MARCHF10: variants seen among roughly 807,000 people sequenced by gnomAD.
The protein encoded by MARCHF10 is membrane associated ring-CH-type finger 10, also known as probable E3 ubiquitin-protein ligase MARCHF10.
A neutral mutation model predicts 76.2 loss-of-function variants in MARCHF10; 64 were observed. The observed-to-expected ratio is 0.84, with a 90% CI of 0.69 to 1.03. MARCHF10 has a LOEUF of 1.03. Ranked by LOEUF, MARCHF10 falls within the 50% of genes least tolerant of loss-of-function variation. MARCHF10 has a pLI of 0.00. For missense variants in MARCHF10, 875 were observed against 958.0 expected, an observed-to-expected ratio of 0.91 and a Z score of 1.14; for synonymous variants, 340 against 357.5, an observed-to-expected ratio of 0.95 and a Z score of 0.55.
chr17:62,787,396 T>G (rs1289206027), intron 3 of MARCHF10, among the ~76,000 whole-genome samples: 1 of 152,090 alleles, frequency 6.6e-6, no homozygotes, highest in Non-Finnish European at 1.5e-5. Flanking sequence ...TCAGGATCCA[T>G]GCCATTGATA....
At chr17:62,756,077 T>C (rs2092031759) in intron 4 of MARCHF10, among the ~76,000 whole-genome samples, 1 of 152,120 alleles carries the variant, frequency 6.6e-6, no homozygotes, top group African/African-American at 2.4e-5. Context: ...GGAGAAACCC[T>C]GTCTCTACTA....
At chr17:62,803,633 C>T (rs1307011559) in intron 1 of MARCHF10, among the ~76,000 whole-genome samples, 1 of 152,174 alleles carries the variant, frequency 6.6e-6, no homozygotes, top group Non-Finnish European at 1.5e-5. Flanking sequence ...TATTCTCCTG[C>T]TTCAGCCTCC....
intron 10 of MARCHF10, chr17:62,704,946 G>GTGTTTTTTTTT: frequency 3.6e-6 from 3 of 837,088 alleles, no homozygotes; most frequent in Non-Finnish European, 4.3e-6. Flanking sequence ...TTCTCCAGTC[G>GTGTTTTTTTTT]TTTTTTTTTT....
Position 62,722,613 on chromosome 17 carries a change from G to T in MARCHF10, c.2105-16C>A, listed in dbSNP as rs2090546594. The T allele has an allele frequency of 1.9e-6, 3 of 1,600,740 alleles. No homozygotes were observed. The highest frequency in any genetic ancestry group is 2.6e-6 in the Non-Finnish European group (3 of 1,170,454). On this transcript the variant is annotated splice_polypyrimidine_tract_variant and intron_variant, in intron 7 of 10. Coordinates refer to ENST00000311269, the MANE Select transcript of MARCHF10 (RefSeq NM_152598.4). ...AGATCTGCTCCTTAAATTGGATAAA[G>T]AATTATATGTACATATAACCATGGG...
chr17:62,788,431 C>T lies in MARCHF10; in HGVS notation c.210+49G>A, dbSNP rs373544098. 6.3e-6 allele frequency: 10 copies of T among 1,597,214 alleles called. No homozygotes were observed. In the African/African-American group the frequency reaches 1.3e-4, roughly 21 times the overall value. On this transcript the variant is annotated intron_variant, in intron 3 of 10. Transcript: ENST00000311269. ...CACACACACACACACACCACCACCA[C>T]CAGCAGCAGCAGCAGCCCCAGGAGA...
chr17:62,733,875 T>C (rs2091143294), intron 6 of MARCHF10, among the ~76,000 whole-genome samples: 1 of 152,158 alleles, frequency 6.6e-6, no homozygotes, highest in Non-Finnish European at 1.5e-5. Context: ...AGTTCATAAA[T>C]ATACACAACA....
At chr17:62,798,796 A>G (rs1466674014) in intron 2 of MARCHF10, among the ~76,000 whole-genome samples, 2 of 152,204 alleles carry the variant, frequency 1.3e-5, no homozygotes, top group African/African-American at 4.8e-5. Flanking sequence ...ACGTTCGTGG[A>G]CTGAGCCAAC....
At chr17:62,794,814 T>C (rs1238797977) in intron 2 of MARCHF10, among the ~76,000 whole-genome samples, 1 of 152,204 alleles carries the variant, frequency 6.6e-6, no homozygotes, top group Non-Finnish European at 1.5e-5. Context: ...TGCCACTTCC[T>C]TCAGTTGGTT....
Position 62,736,559 on chromosome 17 carries a change from C to G in MARCHF10, c.1309G>C (p.Glu437Gln), listed in dbSNP as rs1048387120. 1.2e-6 allele frequency: 2 copies of G among 1,614,118 alleles called. No individual in the cohort carries two copies. Among genetic ancestry groups the G allele is most frequent in the Non-Finnish European group, 1.7e-6 (2 of 1,180,048 alleles). Residue 437 changes from glutamate to glutamine, a missense_variant, in exon 6 of 11, where the codon GAA becomes CAA. Transcript: ENST00000311269. Reference sequence around the variant, plus strand: ...TTTAAATAGTCTTTCCAGTATCCTTCAGAATCATGGGTGCCAGGCCTATGT... The same window carrying G: ...TTTAAATAGTCTTTCCAGTATCCTTGAGAATCATGGGTGCCAGGCCTATGT... The part of the protein sequence containing the change: ...VEHRPGTHDS[E>Q]GYWKDYLNSS...
At chr17:62,702,685 G>GA (rs2089316611) in intron 10 of MARCHF10, among the ~76,000 whole-genome samples, 1 of 151,986 alleles carries the variant, frequency 6.6e-6, no homozygotes, top group Admixed American at 6.6e-5. Context: ...AATAAAAAAA[G>GA]AAAAAAGAAA....
chr17:62,778,326 T>C (rs1204000926), intron 3 of MARCHF10, among the ~76,000 whole-genome samples: 1 of 152,032 alleles, frequency 6.6e-6, no homozygotes, highest in Non-Finnish European at 1.5e-5. Flanking sequence ...CCAAAGACAA[T>C]GGGAAACCAC....
intron 7 of MARCHF10, among the ~76,000 whole-genome samples, chr17:62,723,541 T>G (rs1397437484): frequency 6.7e-6 from 1 of 150,024 alleles, no homozygotes; most frequent in African/African-American, 2.5e-5. Context: ...ATCCCTTATC[T>G]GCATTTTGTT....
chr17:62,795,356 CAAAAAAA>C (rs61564298), intron 2 of MARCHF10, among the ~76,000 whole-genome samples: 19 of 52,948 alleles, frequency 3.6e-4, no homozygotes, highest in Middle Eastern at 0.014. Flanking sequence ...ATCATTTGAT[CAAAAAAA>C]AAAAAAAAAA....
chr17:62,778,505 T>C (rs1446911437), intron 3 of MARCHF10, among the ~76,000 whole-genome samples: 1 of 150,854 alleles, frequency 6.6e-6, no homozygotes, highest in Admixed American at 6.6e-5. Flanking sequence ...CTGAGGCGGG[T>C]GGATCACTTG....
intron 2 of MARCHF10, among the ~76,000 whole-genome samples, chr17:62,796,649 C>A (rs1198837265): frequency 6.6e-6 from 1 of 152,136 alleles, no homozygotes; most frequent in Non-Finnish European, 1.5e-5. Flanking sequence ...AGACTCAGCC[C>A]CTGCCCTTAA....
intron 9 of MARCHF10, among the ~76,000 whole-genome samples, chr17:62,710,882 C>T (rs1235346437): frequency 6.6e-6 from 1 of 152,060 alleles, no homozygotes; most frequent in Non-Finnish European, 1.5e-5. Flanking sequence ...TTTCGCAGGT[C>T]CTCCATGTTC....
At position 62,773,642 on chromosome 17, in the gene MARCHF10, G is replaced by A. The variant is rs564013277; in HGVS notation, c.211-13636C>T. On this transcript the variant is annotated intron_variant, in intron 3 of 10. Coordinates refer to ENST00000311269, the MANE Select transcript of MARCHF10 (RefSeq NM_152598.4). ...GGAAAGGGATGAGACCCAGGCTCAC[G>A]GGATCCCAGGCACAGGTGGAGAGGG... Among the ~76,000 whole-genome samples, 3 of 152,300 alleles carry A rather than the reference G, an allele frequency of 2.0e-5. No individual in the cohort carries two copies. The East Asian group carries it at 5.8e-4, about 29-fold the overall frequency.
At chr17:62,796,037 CT>C (rs2092979408) in intron 2 of MARCHF10, among the ~76,000 whole-genome samples, 1 of 150,970 alleles carries the variant, frequency 6.6e-6, no homozygotes, top group Non-Finnish European at 1.5e-5. Context: ...CAGAGTCTTA[CT>C]CTGTCGCTGA....
intron 2 of MARCHF10, among the ~76,000 whole-genome samples, chr17:62,790,102 T>C (rs1176863135): frequency 3.3e-5 from 5 of 152,178 alleles, no homozygotes; most frequent in Admixed American, 2.6e-4. Context: ...CCTGTAGTAC[T>C]AGGACTGAAC....
Sources: gnomAD v4.1 joint callset for allele counts (sites outside exome capture counted in the v4.1 genomes callset) on GRCh38, gnomAD v4.1.1 for gene constraint, MANE v1.5 for transcripts, NCBI Gene and HGNC (gene_info 2026-07-23, HGNC 2026-07-21) for gene names.